The following FLT1 variants were observed in gnomAD, a reference collection of about 807,000 sequenced individuals.
The protein encoded by FLT1 is vascular endothelial growth factor receptor 1.
In FLT1, 49 loss-of-function variants were observed where a neutral mutation model predicts 156.3. The ratio of observed to expected loss-of-function variants is 0.31; its 90% CI spans 0.25 to 0.40. FLT1 has a LOEUF of 0.40. Among genes scored for constraint, FLT1 ranks in the 10% least tolerant of loss-of-function variants. FLT1 has a pLI of 1.00. For missense variants in FLT1, 1,322 were observed against 1,637.2 expected (o/e 0.81, Z 3.32); for synonymous variants, 594 against 583.8 (o/e 1.02, Z -0.25).
intron 16 of FLT1, among the ~76,000 whole-genome samples, chr13:28,341,057 G>C (rs931885750): frequency 1.3e-5 from 2 of 152,180 alleles, no homozygotes; most frequent in Admixed American, 1.3e-4. Context: ...TCCTCACAGA[G>C]CATAGGATAG....
At chr13:28,377,946 T>C (rs767543004) in intron 14 of FLT1, among the ~76,000 whole-genome samples, 1 of 152,214 alleles carries the variant, frequency 6.6e-6, no homozygotes, top group Non-Finnish European at 1.5e-5. Context: ...CCTTTATACA[T>C]GGCATGTCTA....
intron 25 of FLT1, 136 bp from the exon 26 acceptor site, chr13:28,312,234 T>C: frequency 1.4e-6 from 1 of 704,372 alleles, no homozygotes; most frequent in Middle Eastern, 2.3e-4. Context: ...CTGCTTCATT[T>C]TTAGGTTTGG....
chr13:28,469,495 G>A (rs962595853), intron 1 of FLT1, among the ~76,000 whole-genome samples: 1 of 152,136 alleles, frequency 6.6e-6, no homozygotes, highest in Non-Finnish European at 1.5e-5. Flanking sequence ...TGCTCCTCAG[G>A]CTCCTCGTGA....
At chr13:28,448,281 T>A (rs1878728284) in intron 3 of FLT1, among the ~76,000 whole-genome samples, 1 of 152,194 alleles carries the variant, frequency 6.6e-6, no homozygotes. Context: ...GAATGAAAAC[T>A]TGTGTCCACA....
At chr13:28,364,303 CTT>C (rs752611734) in intron 14 of FLT1, among the ~76,000 whole-genome samples, 5 of 152,204 alleles carry the variant, frequency 3.3e-5, no homozygotes, top group Non-Finnish European at 5.9e-5. Context: ...GCCTTGAACT[CTT>C]GGGCTCAAGT....
chr13:28,490,366 C>T (rs997154682), intron 1 of FLT1, among the ~76,000 whole-genome samples: 1 of 152,222 alleles, frequency 6.6e-6, no homozygotes, highest in South Asian at 2.1e-4. Context: ...TCCGCCCCAG[C>T]GGCAATGCAG....
At chr13:28,384,107 C>T (rs1304402402) in intron 14 of FLT1, among the ~76,000 whole-genome samples, 1 of 151,958 alleles carries the variant, frequency 6.6e-6, no homozygotes, top group Non-Finnish European at 1.5e-5. Flanking sequence ...TTCTTTTTAC[C>T]AAATCCTTAA....
intron 1 of FLT1, among the ~76,000 whole-genome samples, chr13:28,469,814 C>T (rs1265436369): frequency 6.6e-6 from 1 of 152,024 alleles, no homozygotes; most frequent in Non-Finnish European, 1.5e-5. Flanking sequence ...TGCCTTGGTG[C>T]GATCTTGACT....
intron 14 of FLT1, 147 bp downstream of exon 14, chr13:28,384,738 G>A: frequency 1.3e-6 from 1 of 769,006 alleles, no homozygotes; most frequent in East Asian, 2.6e-5. Flanking sequence ...ACTGGACATT[G>A]CTATCAGCAT....
chr13:28,389,580 T>A, intron 13 of FLT1: 1 of 1,444,536 alleles, frequency 6.9e-7, no homozygotes, highest in Non-Finnish European at 9.1e-7. Context: ...GGGGGTCTCA[T>A]TATTACTGCT....
intron 3 of FLT1, among the ~76,000 whole-genome samples, chr13:28,460,766 C>T (rs575221708): frequency 6.1e-5 from 9 of 148,076 alleles, no homozygotes; most frequent in African/African-American, 2.0e-4. Context: ...CTAACTTTCA[C>T]AAAAAGAAAT....
At chr13:28,371,498 C>A (rs1873566517) in intron 14 of FLT1, among the ~76,000 whole-genome samples, 1 of 152,150 alleles carries the variant, frequency 6.6e-6, no homozygotes, top group Non-Finnish European at 1.5e-5. Context: ...CCCTTAGGAG[C>A]TGGCTGGCCT....
chr13:28,319,450 C>T lies in FLT1; in HGVS notation c.3259G>A (p.Val1087Ile), dbSNP rs768790905. The change falls in exon 24 of 30, where the codon GTA (valine) becomes ATA (isoleucine). Residue 1087 changes from valine to isoleucine, a missense_variant. This residue lies in a region of FLT1 where 329 missense variants were observed against 366.2 expected (regional missense o/e 0.90). Transcript: ENST00000282397. Reference protein sequence around the residue: ...STKSDVWSYGVLLWEIFSLGG... With the variant: ...STKSDVWSYGILLWEIFSLGG... ...AAGGAGAAGATTTCCCACAGCAATA[C>T]TCCGTAAGACCACACGTCGCTCTTG... The T allele has an allele frequency of 1.2e-6, 2 of 1,613,368 alleles. No homozygotes were observed. The highest frequency in any genetic ancestry group is 1.1e-5 in the South Asian group (1 of 91,030).
intron 3 of FLT1, among the ~76,000 whole-genome samples, chr13:28,440,821 ATAGT>A (rs1305907531): frequency 2.6e-5 from 4 of 152,298 alleles, no homozygotes; most frequent in African/African-American, 9.6e-5. Flanking sequence ...TGCCTGGCAA[ATAGT>A]TAGCTGTTAA....
At chr13:28,338,637 G>A (rs1872210670) in intron 17 of FLT1, among the ~76,000 whole-genome samples, 1 of 152,182 alleles carries the variant, frequency 6.6e-6, no homozygotes, top group East Asian at 1.9e-4. Flanking sequence ...GAAAATCAAA[G>A]TATGTAATTT....
intron 13 of FLT1, chr13:28,387,706 T>A (rs1330816211): frequency 2.6e-5 from 27 of 1,058,034 alleles, no homozygotes; most frequent in Non-Finnish European, 3.1e-5. Context: ...TTTTCTCCTT[T>A]TTTTTTTCTC....
chr13:28,334,165 G>A (rs748194839), intron 17 of FLT1, 36 bp from the exon 18 acceptor site: 3 of 1,358,224 alleles, frequency 2.2e-6, no homozygotes, highest in South Asian at 1.2e-5. Flanking sequence ...TGTTTGCCGA[G>A]GCAATAGGGT....
intron 1 of FLT1, among the ~76,000 whole-genome samples, chr13:28,486,675 C>G (rs373819123): frequency 6.6e-6 from 1 of 152,234 alleles, no homozygotes; most frequent in East Asian, 1.9e-4. Flanking sequence ...AACAGTCCCC[C>G]TCTCCTCAGA....
chr13:28,461,206 C>T (rs1352944761), intron 3 of FLT1, among the ~76,000 whole-genome samples: 1 of 151,930 alleles, frequency 6.6e-6, no homozygotes, highest in Non-Finnish European at 1.5e-5. Context: ...TTTGGAGGCA[C>T]ATTTTTAAAA....
Sources: allele counts gnomAD v4.1 joint callset (sites outside exome capture counted in the v4.1 genomes callset), GRCh38; gene constraint gnomAD v4.1.1; regional missense constraint gnomAD v4.1.1; transcripts MANE v1.5; gene names NCBI Gene and HGNC (gene_info 2026-07-23, HGNC 2026-07-21).